Variants in FBXO11 observed in about 807,000 individuals in gnomAD.
FBXO11 encodes F-box protein 11.
In FBXO11, 13 loss-of-function variants were observed where a neutral mutation model predicts 117.0. The ratio of observed to expected loss-of-function variants is 0.11; its 90% CI spans 0.07 to 0.18. The LOEUF (loss-of-function observed/expected upper bound fraction) is 0.18, where lower values mean the gene tolerates loss of function less well. FBXO11 is among the 10% of genes least tolerant of loss of function. The pLI, the probability that FBXO11 is intolerant of heterozygous loss-of-function variation, is 1.00. For synonymous variants in FBXO11, 490 were observed against 380.5 expected, an observed-to-expected ratio of 1.29 and a Z score of -3.35; for missense variants, 767 against 1,164.4, an observed-to-expected ratio of 0.66 and a Z score of 4.97.
chr2:47,842,085 G>A (rs1158716233), intron 1 of FBXO11, among the ~76,000 whole-genome samples: 2 of 147,104 alleles, frequency 1.4e-5, no homozygotes, highest in East Asian at 2.0e-4. Context: ...GCGCGATCTC[G>A]GCTCACTGCA....
At chr2:47,894,574 T>C (rs558154725) in intron 1 of FBXO11, among the ~76,000 whole-genome samples, 1 of 152,292 alleles carries the variant, frequency 6.6e-6, no homozygotes, top group East Asian at 1.9e-4. Flanking sequence ...ACAAAAAAGA[T>C]GTCTTCCACT....
intron 1 of FBXO11, among the ~76,000 whole-genome samples, chr2:47,863,569 C>G (rs1373733714): frequency 3.9e-5 from 6 of 152,154 alleles, no homozygotes; most frequent in Non-Finnish European, 1.5e-5. Context: ...AAAGTTTCCC[C>G]TAGTTCTCAC....
chr2:47,809,546 T>A, intron 20 of FBXO11, 54 bp downstream of exon 20: 1 of 1,302,984 alleles, frequency 7.7e-7, no homozygotes, highest in Non-Finnish European at 1.1e-6. Context: ...CGGCTTCTGA[T>A]TATCTTTCAT....
chr2:47,871,247 A>C (rs1675603872), intron 1 of FBXO11, among the ~76,000 whole-genome samples: 1 of 152,176 alleles, frequency 6.6e-6, no homozygotes, highest in African/African-American at 2.4e-5. Flanking sequence ...GAATCCACTC[A>C]AGCAGCCCTG....
Position 47,838,917 on chromosome 2 carries a change from A to T in FBXO11, c.529T>A (p.Cys177Ser). 1 of 1,614,096 alleles carries T rather than the reference A, an allele frequency of 6.2e-7. No homozygotes were observed. The highest frequency in any genetic ancestry group is 2.2e-5 in the East Asian group (1 of 44,858). Residue 177 changes from cysteine to serine, a missense_variant, in exon 4 of 23, where the codon TGT (cysteine) becomes AGT (serine). Cys to Ser is a moderately radical substitution (Grantham distance 112, BLOSUM62 -1). Coordinates refer to ENST00000403359, the MANE Select transcript of FBXO11 (RefSeq NM_001190274.2). ...CGTTTACATACACAAGCTGCTCTACAAAGATCCTGTTCCAGCAAGTAAGAG... is the reference window on the plus strand; with the variant it reads ...CGTTTACATACACAAGCTGCTCTACTAAGATCCTGTTCCAGCAAGTAAGAG... ...IFSYLLEQDLCRAACVCKRFS... is the reference protein window; with the variant it reads ...IFSYLLEQDLSRAACVCKRFS...
chr2:47,887,717 C>T (rs1676968933), intron 1 of FBXO11, among the ~76,000 whole-genome samples: 1 of 151,628 alleles, frequency 6.6e-6, no homozygotes, highest in Non-Finnish European at 1.5e-5. Context: ...AAAAATTAGC[C>T]GGGCATGGTG....
At chr2:47,818,689 T>C (rs539502696) in intron 16 of FBXO11, 90 bp downstream of exon 16, 41 of 770,214 alleles carry the variant, frequency 5.3e-5, no homozygotes, top group East Asian at 3.5e-4. Flanking sequence ...GGGATAAAGA[T>C]TGGGCATTAA....
chr2:47,894,672 G>C (rs1044369952), intron 1 of FBXO11, among the ~76,000 whole-genome samples: 1 of 152,108 alleles, frequency 6.6e-6, no homozygotes, highest in Non-Finnish European at 1.5e-5. Flanking sequence ...TGGGAAAAAA[G>C]TTCCTTAGAT....
At chr2:47,842,713 C>T (rs1244696614) in intron 1 of FBXO11, among the ~76,000 whole-genome samples, 1 of 149,364 alleles carries the variant, frequency 6.7e-6, no homozygotes, top group Non-Finnish European at 1.5e-5. Flanking sequence ...ACTATTATTT[C>T]ATTTAAATAT....
intron 1 of FBXO11, among the ~76,000 whole-genome samples, chr2:47,897,688 C>T (rs1188755322): frequency 8.5e-6 from 1 of 117,260 alleles, no homozygotes; most frequent in East Asian, 2.5e-4. Context: ...CAGAGTGAGA[C>T]TGTGTCTTAA....
chr2:47,842,620 T>C (rs941831375), intron 1 of FBXO11, among the ~76,000 whole-genome samples: 11 of 152,148 alleles, frequency 7.2e-5, no homozygotes, highest in African/African-American at 2.4e-4. Context: ...TATGTTATAA[T>C]TGAAAGCTGC....
chr2:47,874,557 C>CA (rs756069125), intron 1 of FBXO11, among the ~76,000 whole-genome samples: 1 of 152,052 alleles, frequency 6.6e-6, no homozygotes, highest in African/African-American at 2.4e-5. Context: ...AATTTTGAGA[C>CA]AGAGTCTTGC....
chr2:47,816,002 AG>A (rs1572770363), intron 16 of FBXO11, among the ~76,000 whole-genome samples: 2 of 152,202 alleles, frequency 1.3e-5, no homozygotes, highest in African/African-American at 4.8e-5. Context: ...ACGACTAGGT[AG>A]GGGGAACCTT....
At chr2:47,893,414 T>A (rs1314696531) in intron 1 of FBXO11, among the ~76,000 whole-genome samples, 1 of 152,108 alleles carries the variant, frequency 6.6e-6, no homozygotes, top group South Asian at 2.1e-4. Context: ...TGTATCTCTA[T>A]CCCTAGAAAT....
chr2:47,840,345 G>A (rs995710554), intron 1 of FBXO11, among the ~76,000 whole-genome samples: 8 of 152,066 alleles, frequency 5.3e-5, no homozygotes, highest in Admixed American at 6.6e-5. Context: ...TATGGTGAAG[G>A]CAGCTTGGCA....
chr2:47,896,647 G>A (rs773104346), intron 1 of FBXO11, among the ~76,000 whole-genome samples: 4 of 152,018 alleles, frequency 2.6e-5, no homozygotes, highest in African/African-American at 9.7e-5. Context: ...GTTTAATTTC[G>A]CTTCCCTCTT....
At chr2:47,851,516 C>T (rs140989417) in intron 1 of FBXO11, among the ~76,000 whole-genome samples, 3 of 152,016 alleles carry the variant, frequency 2.0e-5, no homozygotes, top group African/African-American at 4.8e-5. Flanking sequence ...TGTGAGCCAC[C>T]GCGCCTGGCC....
intron 1 of FBXO11, among the ~76,000 whole-genome samples, chr2:47,885,774 T>C (rs952409747): frequency 6.6e-6 from 1 of 151,434 alleles, no homozygotes; most frequent in African/African-American, 2.4e-5. Context: ...ACGAAAGGAG[T>C]ATGACAACAA....
intron 4 of FBXO11, among the ~76,000 whole-genome samples, chr2:47,838,444 G>C (rs1210731370): frequency 6.6e-6 from 1 of 151,892 alleles, no homozygotes; most frequent in Non-Finnish European, 1.5e-5. Flanking sequence ...CTGGGTCAAA[G>C]GGCATGACCC....
Sources: gnomAD v4.1 joint callset for allele counts (sites outside exome capture counted in the v4.1 genomes callset) on GRCh38, gnomAD v4.1.1 for gene constraint, MANE v1.5 for transcripts, NCBI Gene and HGNC (gene_info 2026-07-23, HGNC 2026-07-21) for gene names.